MMP16: variants seen among roughly 807,000 people sequenced by gnomAD.
The protein encoded by MMP16 is matrix metallopeptidase 16, also known as matrix metalloproteinase-16.
Under a neutral mutation model 67.8 loss-of-function variants are expected in MMP16, and 12 were observed. That is an observed-to-expected ratio of 0.18 (90% CI 0.11 to 0.29). MMP16 has a LOEUF of 0.29. Ranked by LOEUF, MMP16 falls within the 10% of genes least tolerant of loss-of-function variation. The probability of loss-of-function intolerance (pLI) is 1.00; values close to 1 mark genes in which losing one functional copy is unlikely to be tolerated. For missense variants in MMP16, 475 were observed against 765.7 expected (o/e 0.62, Z 4.48); for synonymous variants, 249 against 255.9 (o/e 0.97, Z 0.26).
intron 6 of MMP16, among the ~76,000 whole-genome samples, chr8:88,090,733 C>T (rs1027079850): frequency 5.3e-5 from 8 of 151,800 alleles, no homozygotes; most frequent in African/African-American, 1.9e-4. Flanking sequence ...ACAAAATAGA[C>T]ATTGTTCCAT....
In MMP16 at chr8:88,033,526, C is replaced by T. The variant is rs1374792200; in HGVS notation, c.*7935G>A. ...ATTCTTTTAAAAAAGCATCAACCAA[C>T]TATGAACTAATTAGATTTTATGTTT... is the stretch of plus-strand genomic sequence containing the variant. On this transcript the variant is annotated 3_prime_UTR_variant, in exon 10 of 10. Transcript: ENST00000286614. 6.6e-6 allele frequency: 1 copy of T among 151,802 alleles called. No individual in the cohort carries two copies. Among genetic ancestry groups the T allele is most frequent in the African/African-American group, 2.4e-5 (1 of 41,386 alleles). 9.4% of individuals were successfully genotyped at this position (151,802 alleles called of 1,614,324 possible).
intron 1 of MMP16, among the ~76,000 whole-genome samples, chr8:88,293,886 A>G (rs1485255968): frequency 6.6e-6 from 1 of 152,052 alleles, no homozygotes; most frequent in Non-Finnish European, 1.5e-5. Flanking sequence ...ATGACCAACT[A>G]CTGTGCCAGA....
chr8:88,215,256 G>A (rs1356557981), intron 1 of MMP16, among the ~76,000 whole-genome samples: 14 of 152,026 alleles, frequency 9.2e-5, no homozygotes, highest in Admixed American at 8.5e-4. Flanking sequence ...CTTGAACCCA[G>A]GAGGCGGAGG....
chr8:88,231,807 T>C (rs937535144), intron 1 of MMP16, among the ~76,000 whole-genome samples: 1 of 152,204 alleles, frequency 6.6e-6, no homozygotes, highest in Non-Finnish European at 1.5e-5. Flanking sequence ...TTCTGTAATA[T>C]GATGTGACCA....
At chr8:88,305,367 A>T (rs1463445029) in intron 1 of MMP16, among the ~76,000 whole-genome samples, 2 of 151,998 alleles carry the variant, frequency 1.3e-5, no homozygotes, top group Admixed American at 1.3e-4. Flanking sequence ...TACCCCACTG[A>T]CAATATCAGA....
chr8:88,117,730 C>A (rs1012088326), intron 5 of MMP16, among the ~76,000 whole-genome samples: 8 of 151,922 alleles, frequency 5.3e-5, no homozygotes, highest in African/African-American at 1.9e-4. Flanking sequence ...AGAATACTTA[C>A]CACTGAGTTA....
chr8:88,064,490 C>A (rs988105402), intron 7 of MMP16, among the ~76,000 whole-genome samples: 1 of 152,032 alleles, frequency 6.6e-6, no homozygotes, highest in Non-Finnish European at 1.5e-5. Flanking sequence ...AGATCCTGGG[C>A]AAGTCATGAA....
intron 1 of MMP16, among the ~76,000 whole-genome samples, chr8:88,213,234 A>G (rs1368748847): frequency 6.6e-6 from 1 of 152,174 alleles, no homozygotes; most frequent in African/African-American, 2.4e-5. Context: ...TGACTCTTAC[A>G]TGTTACTCAT....
Position 88,039,897 on chromosome 8 carries a change from A to G in MMP16, c.*1564T>C, listed in dbSNP as rs1230781917. ...CTGTTAGGACAAATTACACTCAACA[A>G]TGAAATGCTTTGGTGGTCTCTTGGC... is the stretch of plus-strand genomic sequence containing the variant. On this transcript the variant is annotated 3_prime_UTR_variant, in exon 10 of 10. Transcript: ENST00000286614. This position sits in a 1 kb window ranked among gnomAD's most constrained non-coding sequence, Gnocchi z 4.5. The G allele has an allele frequency of 2.6e-5, 4 of 152,748 alleles. No individual in the cohort carries two copies. Among genetic ancestry groups the G allele is most frequent in the Middle Eastern group, 3.4e-3 (1 of 296 alleles). The allele number at this position is 152,748 out of a possible 1,614,324, so 9.5% of individuals were successfully genotyped here. A position where few individuals can be genotyped will look rare whatever the true frequency, so the allele number is the denominator to read the frequency against.
chr8:88,272,851 T>C (rs1229190011), intron 1 of MMP16, among the ~76,000 whole-genome samples: 2 of 152,090 alleles, frequency 1.3e-5, no homozygotes, highest in African/African-American at 2.4e-5. Flanking sequence ...GAATACTGAA[T>C]AGAAGCTTGG....
intron 8 of MMP16, among the ~76,000 whole-genome samples, chr8:88,055,497 C>T (rs943604864): frequency 1.3e-5 from 2 of 152,212 alleles, no homozygotes; most frequent in African/African-American, 4.8e-5. Context: ...CATGAGCCAA[C>T]ACGCCCAGCC....
intron 1 of MMP16, among the ~76,000 whole-genome samples, chr8:88,289,011 GA>G (rs938179534): frequency 3.3e-5 from 5 of 152,186 alleles, no homozygotes; most frequent in African/African-American, 4.8e-5. Flanking sequence ...CCTTCTTGCA[GA>G]TAAAGGGGAT....
At chr8:88,322,221 T>C (rs1811470450) in intron 1 of MMP16, among the ~76,000 whole-genome samples, 1 of 152,120 alleles carries the variant, frequency 6.6e-6, no homozygotes. Context: ...TTAGAAAAGA[T>C]GAACAGATTT....
chr8:88,186,321 A>T, intron 3 of MMP16, 155 bp downstream of exon 3: 2 of 903,848 alleles, frequency 2.2e-6, no homozygotes, highest in Non-Finnish European at 1.6e-6. Context: ...TGAACAATTT[A>T]CTCTCCTCTC....
chr8:88,154,161 T>A (rs1169020510), intron 4 of MMP16, among the ~76,000 whole-genome samples: 4 of 113,354 alleles, frequency 3.5e-5, no homozygotes, highest in South Asian at 3.4e-4. Context: ...TCAAAACCAC[T>A]ATGAGATATC....
intron 1 of MMP16, among the ~76,000 whole-genome samples, chr8:88,211,988 C>T (rs922356321): frequency 3.9e-5 from 6 of 152,026 alleles, no homozygotes; most frequent in Non-Finnish European, 7.3e-5. Flanking sequence ...AACTGGGTCA[C>T]AGAATGTGCC....
intron 6 of MMP16, among the ~76,000 whole-genome samples, chr8:88,085,794 T>A (rs551857846): frequency 2.0e-5 from 3 of 152,044 alleles, no homozygotes; most frequent in Non-Finnish European, 4.4e-5. Flanking sequence ...TGTTTACTAC[T>A]TGTGCTAAGT....
At chr8:88,144,579 T>G (rs1028291281) in intron 4 of MMP16, among the ~76,000 whole-genome samples, 1 of 151,810 alleles carries the variant, frequency 6.6e-6, no homozygotes, top group African/African-American at 2.4e-5. Flanking sequence ...ATAATTTATA[T>G]AGAGAGAGAC....
chr8:88,214,141 TCTCTCCAGAA>T (rs1809552594), intron 1 of MMP16, among the ~76,000 whole-genome samples: 1 of 152,114 alleles, frequency 6.6e-6, no homozygotes, highest in Admixed American at 6.6e-5. Flanking sequence ...CAAGATGAAC[TCTCTCCAGAA>T]CTCCAGAAAC....
Sources: gnomAD v4.1 joint callset for allele counts (sites outside exome capture counted in the v4.1 genomes callset) on GRCh38, gnomAD v4.1.1 for gene constraint, Gnocchi (gnomAD v3.1) non-coding constraint, MANE v1.5 for transcripts, NCBI Gene and HGNC (gene_info 2026-07-23, HGNC 2026-07-21) for gene names.